Variants in PCDH1 observed in about 807,000 individuals in gnomAD.
PCDH1 encodes the protein protocadherin-1.
A neutral mutation model predicts 74.6 loss-of-function variants in PCDH1; 23 were observed. The ratio of observed to expected loss-of-function variants is 0.31; its 90% CI spans 0.22 to 0.44. The LOEUF (loss-of-function observed/expected upper bound fraction) is 0.44. PCDH1 is among the 20% of genes least tolerant of loss of function. The pLI, the probability that PCDH1 is intolerant of heterozygous loss-of-function variation, is 1.00. For synonymous variants in PCDH1, 647 were observed against 686.1 expected, an observed-to-expected ratio of 0.94 and a Z score of 0.89; for missense variants, 1,214 against 1,641.4, an observed-to-expected ratio of 0.74 and a Z score of 4.50.
At position 141,869,104 on chromosome 5, in the gene PCDH1, C is replaced by T. The variant is rs749049237; in HGVS notation, c.368G>A (p.Cys123Tyr). ...TSIDREGLRE[C>Y]QNQLPGDPCI... ...GGGATCACCAGGGAGCTGGTTCTGG[C>T]ATTCACGGAGCCCCTCACGGTCGAT... The change falls in exon 2 of 5, where the codon TGC becomes TAC. Residue 123 changes from cysteine (C) to tyrosine (Y), a missense_variant. Transcript: ENST00000287008. This position sits in a 1 kb window ranked among gnomAD's most constrained non-coding sequence, Gnocchi z 4.9. 6.2e-7 allele frequency: 1 copy of T among 1,613,838 alleles called. No homozygotes were observed. Among genetic ancestry groups the T allele is most frequent in the Non-Finnish European group, 8.5e-7 (1 of 1,179,980 alleles).
rs58339759 is a variant in PCDH1 at position 141,861,940 on chromosome 5, C to T, written c.3099+1292G>A. 0.019 allele frequency among the ~76,000 whole-genome samples: 2,964 copies of T among 152,150 alleles called. 180 individuals are homozygous for T. In the East Asian group the frequency reaches 0.22, roughly 11 times the overall value. On this transcript the variant is annotated intron_variant, in intron 3 of 4. Coordinates refer to ENST00000287008, the MANE Select transcript of PCDH1 (RefSeq NM_032420.5). ...GTGGGGAGGGAGGTAGCATCACAGG[C>T]GGAAGGCAGAACTAGGAAGCCTCTG...
chr5:141,862,483 G>A (rs1456043894), intron 3 of PCDH1, among the ~76,000 whole-genome samples: 1 of 152,092 alleles, frequency 6.6e-6, no homozygotes, highest in Non-Finnish European at 1.5e-5. Context: ...ACATGGGGGT[G>A]GATGGCAAGA....
Position 141,853,990 on chromosome 5 carries a change from T to G in PCDH1, c.*52A>C, listed in dbSNP as rs916276194. Reference sequence around the variant, plus strand: ...AGAGTGAGGCCCTGGAATGGGCCATTTGGGAGCTGGCCGGCGGCTGGGGGA... The same window carrying G: ...AGAGTGAGGCCCTGGAATGGGCCATGTGGGAGCTGGCCGGCGGCTGGGGGA... On this transcript the variant is annotated 3_prime_UTR_variant, in exon 5 of 5. Transcript: ENST00000287008. 2 of 1,437,744 alleles carry G rather than the reference T, an allele frequency of 1.4e-6. No homozygotes were observed. Among genetic ancestry groups the G allele is most frequent in the East Asian group, 4.8e-5 (2 of 41,508 alleles). The allele number at this position is 1,437,744 out of a possible 1,614,324, so 89.1% of individuals were successfully genotyped here.
intron 1 of PCDH1, among the ~76,000 whole-genome samples, chr5:141,874,088 C>T (rs1414566379): frequency 6.6e-6 from 1 of 152,182 alleles, no homozygotes; most frequent in African/African-American, 2.4e-5. Context: ...TTATGTCACA[C>T]CCGCCTCCCC....
In PCDH1 at chr5:141,865,965, TTGTA is replaced by T. The variant is rs575597634; in HGVS notation, c.904-542_904-539del. The T allele has an allele frequency of 1.6e-4, 124 of 769,882 alleles. 1 individual carries two copies. In the African/African-American group the frequency reaches 2.0e-3, roughly 13 times the overall value. 47.7% of individuals were successfully genotyped at this position (769,882 alleles called of 1,614,324 possible). On this transcript the variant is annotated intron_variant, in intron 2 of 4. Transcript: ENST00000287008. This position sits in a 1 kb window ranked among gnomAD's most constrained non-coding sequence, Gnocchi z 4.4. ...TGTTTGTGTGAGAAGGTATATGTGT[TTGTA>T]TGTGTATGATTGTGTCAGAATGTGT...
rs1753179275 is a variant in PCDH1, at chr5:141,874,829, C to T, written c.40+3394G>A. Among the ~76,000 whole-genome samples, 4 of 152,162 alleles carry T rather than the reference C, an allele frequency of 2.6e-5. No homozygotes were observed. The South Asian group carries it at 8.3e-4, about 32-fold the overall frequency. On this transcript the variant is annotated intron_variant, in intron 1 of 4. Coordinates refer to ENST00000287008, the MANE Select transcript of PCDH1 (RefSeq NM_032420.5). The stretch of plus-strand genomic sequence containing the variant: ...CGGGCACAAAACACCAAGGGACAAA[C>T]GGACTGTCGCGGGGAGAGGGGAAGA...
rs1352332721 is a variant in PCDH1, at chr5:141,863,335, G to C, written c.2996C>G (p.Pro999Arg). Reference sequence around the variant, plus strand: ...CCCGGTGCCCACGAATGTGTTTGCAGGTGGCAGGTCCTGTACCACCTGGTG... The same window carrying C: ...CCCGGTGCCCACGAATGTGTTTGCACGTGGCAGGTCCTGTACCACCTGGTG... The part of the protein sequence containing the change: ...KKHQVVQDLP[P>R]ANTFVGTGDT... Residue 999 changes from proline to arginine, a missense_variant, in exon 3 of 5, where the codon CCT becomes CGT. Coordinates refer to ENST00000287008, the MANE Select transcript of PCDH1 (RefSeq NM_032420.5). This position sits in a 1 kb window ranked among gnomAD's most constrained non-coding sequence, Gnocchi z 7.5. 9.7e-6 allele frequency: 15 copies of C among 1,546,904 alleles called. No homozygotes were observed. Among genetic ancestry groups the C allele is most frequent in the Non-Finnish European group, 1.3e-5 (15 of 1,145,400 alleles).
At chr5:141,872,437 T>A (rs1753117909) in intron 1 of PCDH1, among the ~76,000 whole-genome samples, 1 of 152,232 alleles carries the variant, frequency 6.6e-6, no homozygotes, top group African/African-American at 2.4e-5. Context: ...AGATAGTTAA[T>A]CTTCTGTGGT....
intron 3 of PCDH1, among the ~76,000 whole-genome samples, chr5:141,860,408 A>G (rs1185977480): frequency 6.6e-6 from 1 of 150,932 alleles, no homozygotes; most frequent in African/African-American, 2.4e-5. Context: ...GCTACACAGG[A>G]GGATCGCTTG....
At chr5:141,877,143 G>A (rs1753261622) in intron 1 of PCDH1, among the ~76,000 whole-genome samples, 1 of 151,980 alleles carries the variant, frequency 6.6e-6, no homozygotes, top group Non-Finnish European at 1.5e-5. Flanking sequence ...TCTGGACTCC[G>A]AGAGAGAGGA....
chr5:141,855,666 C>T (rs1234411006), intron 4 of PCDH1, among the ~76,000 whole-genome samples: 5 of 151,880 alleles, frequency 3.3e-5, no homozygotes, highest in Admixed American at 6.6e-5. Flanking sequence ...GGGGAAGGGA[C>T]GAGCTTCTGT....
Position 141,863,279 on chromosome 5 carries a change from A to T in PCDH1, c.3052T>A (p.Ser1018Thr). The T allele has an allele frequency of 6.3e-7, 1 of 1,590,112 alleles. No individual in the cohort carries two copies. The highest frequency in any genetic ancestry group is 1.7e-5 in the Admixed American group (1 of 57,358). Residue 1018 changes from serine to threonine, a missense_variant, in exon 3 of 5, where the codon TCC (serine) becomes ACC (threonine). By Grantham distance (58) the Ser-to-Thr change is moderately conservative. Around this residue, in one of 4 missense-constraint regions of PCDH1, gnomAD observed 836 missense variants for 1,182.2 expected, o/e 0.71. Transcript: ENST00000287008. The surrounding 1 kb of genome is among the most constrained non-coding windows in gnomAD (Gnocchi z 7.5). ...DTTSTGSEQY[S>T]DYSYRTNPPK... ...GGGTTGGTGCGGTAGCTGTAGTCGG[A>T]GTACTGCTCAGAGCCCGTGGACGTG...
intron 3 of PCDH1, among the ~76,000 whole-genome samples, chr5:141,858,838 G>A (rs992118925): frequency 2.6e-5 from 4 of 152,122 alleles, no homozygotes; most frequent in Admixed American, 1.3e-4. Flanking sequence ...CTCTGGATAG[G>A]AGGTTATGAA....
chr5:141,864,516 G>A lies in PCDH1; in HGVS notation c.1815C>T (p.Cys605=), dbSNP rs1205068365. 2 of 1,614,066 alleles carry A rather than the reference G, an allele frequency of 1.2e-6. No individual in the cohort carries two copies. ...TATVLVNVLD[C]NDNDPKFMLS... The stretch of plus-strand genomic sequence containing the variant: ...GCATAAATTTGGGGTCATTGTCATT[G>A]CAGTCCAGCACATTGACAAGGACAG... The change falls in exon 3 of 5, where the codon TGC becomes TGT. Residue 605 remains cysteine, a synonymous_variant. Coordinates refer to ENST00000287008, the MANE Select transcript of PCDH1 (RefSeq NM_032420.5). This position sits in a 1 kb window ranked among gnomAD's most constrained non-coding sequence, Gnocchi z 5.9.
chr5:141,862,614 G>A lies in PCDH1; in HGVS notation c.3099+618C>T, dbSNP rs368231081. The A allele has an allele frequency of 3.9e-4, 384 of 985,298 alleles. No homozygotes were observed. The African/African-American group carries it at 6.4e-3, about 16-fold the overall frequency. 61.0% of individuals were successfully genotyped at this position (985,298 alleles called of 1,614,324 possible). ...CAAAGGGCTGCTTCCAGTCTCTCTC[G>A]CTGCTTCTCTCAGTTCCAGAAAATA... is the stretch of plus-strand genomic sequence containing the variant. On this transcript the variant is annotated intron_variant, in intron 3 of 4. Transcript: ENST00000287008.
chr5:141,869,732 C>A lies in PCDH1; in HGVS notation c.41-301G>T, dbSNP rs1753040747. 2.7e-6 allele frequency: 4 copies of A among 1,456,650 alleles called. No homozygotes were observed. Among genetic ancestry groups the A allele is most frequent in the Non-Finnish European group, 3.6e-6 (4 of 1,103,200 alleles). 90.2% of individuals were successfully genotyped at this position (1,456,650 alleles called of 1,614,324 possible). ...TGACGCTCCCTGGGCCCAAGCCCGG[C>A]TGCCCGCCCTCTTTCCTTCTTTTCC... On this transcript the variant is annotated intron_variant, in intron 1 of 4. Coordinates refer to ENST00000287008, the MANE Select transcript of PCDH1 (RefSeq NM_032420.5). The surrounding 1 kb of genome is among the most constrained non-coding windows in gnomAD (Gnocchi z 4.9).
rs1257379431 is a variant in PCDH1, at chr5:141,864,303, C to T, written c.2028G>A (p.Glu676=). 2.5e-6 allele frequency: 4 copies of T among 1,613,916 alleles called. No homozygotes were observed. Among genetic ancestry groups the T allele is most frequent in the Admixed American group, 1.7e-5 (1 of 60,004 alleles). Residue 676 remains glutamate, a synonymous_variant, in exon 3 of 5, where the codon GAG becomes GAA. Coordinates refer to ENST00000287008, the MANE Select transcript of PCDH1 (RefSeq NM_032420.5). The surrounding 1 kb of genome is among the most constrained non-coding windows in gnomAD (Gnocchi z 5.9). The part of the protein sequence containing the change: ...TILSSLSFDR[E]QQSTYTFQLK... ...GCTGGAAGGTGTAGGTGCTTTGTTG[C>T]TCTCGATCAAAGCTCAGGCTGGATA...
In PCDH1 at chr5:141,863,102, G is replaced by T; in HGVS notation, c.3099+130C>A. 5.0e-6 allele frequency: 7 copies of T among 1,405,770 alleles called. No individual in the cohort carries two copies. The highest frequency in any genetic ancestry group is 6.5e-6 in the Non-Finnish European group (7 of 1,075,578). The allele number at this position is 1,405,770 out of a possible 1,614,324, so 87.1% of individuals were successfully genotyped here. A position where few individuals can be genotyped will look rare whatever the true frequency, so the allele number is the denominator to read the frequency against. On this transcript the variant is annotated intron_variant, in intron 3 of 4. Transcript: ENST00000287008. The surrounding 1 kb of genome is among the most constrained non-coding windows in gnomAD (Gnocchi z 7.5). ...ACTAAGGCCCCACCTCCCACTGCTG[G>T]CTCAGGCTGGCCCCCAACACGGGCA...
At chr5:141,858,521 C>G (rs1364463119) in intron 3 of PCDH1, among the ~76,000 whole-genome samples, 1 of 152,038 alleles carries the variant, frequency 6.6e-6, no homozygotes, top group African/African-American at 2.4e-5. Flanking sequence ...GACTGGGGGT[C>G]GGGGGAGTGG....
Sources: allele counts gnomAD v4.1 joint callset (sites outside exome capture counted in the v4.1 genomes callset), GRCh38; gene constraint gnomAD v4.1.1; regional missense constraint gnomAD v4.1.1; non-coding constraint Gnocchi (gnomAD v3.1); transcripts MANE v1.5; gene names NCBI Gene and HGNC (gene_info 2026-07-23, HGNC 2026-07-21).